The following SSX2IP variants were observed in gnomAD, a reference collection of about 807,000 sequenced individuals.
SSX2IP encodes afadin- and alpha-actinin-binding protein.
In SSX2IP, 55 loss-of-function variants were observed where a neutral mutation model predicts 84.9. The ratio of observed to expected loss-of-function variants is 0.65; its 90% CI spans 0.52 to 0.81. SSX2IP has a LOEUF of 0.81. SSX2IP is among the 30% of genes least tolerant of loss of function. The probability of loss-of-function intolerance (pLI) is 0.00; values close to 1 mark genes in which losing one functional copy is unlikely to be tolerated. For synonymous variants in SSX2IP, 239 were observed against 234.7 expected (o/e 1.02, Z -0.17); for missense variants, 664 against 705.2 (o/e 0.94, Z 0.66).
chr1:84,673,861 C>T (rs1428602569), intron 1 of SSX2IP, among the ~76,000 whole-genome samples: 6 of 152,164 alleles, frequency 3.9e-5, no homozygotes, highest in Admixed American at 3.9e-4. Flanking sequence ...CACACACACA[C>T]AGACACAGGA....
chr1:84,676,019 G>C (rs1409595169), intron 1 of SSX2IP, among the ~76,000 whole-genome samples: 1 of 152,194 alleles, frequency 6.6e-6, no homozygotes, highest in Non-Finnish European at 1.5e-5. Flanking sequence ...CATGTCGTCA[G>C]GTCCTCCTGA....
intron 8 of SSX2IP, among the ~76,000 whole-genome samples, chr1:84,661,968 G>A (rs1652048915): frequency 1.3e-5 from 2 of 152,128 alleles, no homozygotes; most frequent in Non-Finnish European, 2.9e-5. Flanking sequence ...CTTCTTAACA[G>A]TGCTTGACAT....
intron 1 of SSX2IP, among the ~76,000 whole-genome samples, chr1:84,676,496 C>T (rs1230085835): frequency 6.6e-6 from 1 of 152,150 alleles, no homozygotes; most frequent in Non-Finnish European, 1.5e-5. Context: ...CAATGCCATA[C>T]ACTTCAGGTA....
In SSX2IP at chr1:84,655,855, C is replaced by A. The variant is rs774610707; in HGVS notation, c.1366G>T (p.Ala456Ser). ...ACCTCCAATCCCAGGCGAATAGCGG[C>A]TTCTGTAAAGCTTCGTCTCTCCCTC... ...FERERRSFTE[A>S]AIRLGLERKA... Residue 456 changes from alanine to serine, a missense_variant, in exon 11 of 14, where the codon GCC becomes TCC. Transcript: ENST00000342203. 1.2e-6 allele frequency: 2 copies of A among 1,613,726 alleles called. No individual in the cohort carries two copies. Among genetic ancestry groups the A allele is most frequent in the Non-Finnish European group, 8.5e-7 (1 of 1,179,830 alleles).
At chr1:84,654,384 G>A (rs11164032) in intron 11 of SSX2IP, among the ~76,000 whole-genome samples, 80,223 of 151,652 alleles carry the variant, frequency 0.53, 23,018 homozygotes, top group East Asian at 0.72. Flanking sequence ...AAGTTTTGAA[G>A]GAAAAAAAAC....
rs532463880 is a variant in SSX2IP at position 84,662,117 on chromosome 1, C to T, written c.927+81G>A. On this transcript the variant is annotated intron_variant, in intron 8 of 13. Coordinates refer to ENST00000342203, the MANE Select transcript of SSX2IP (RefSeq NM_001166293.2). ...CCTATTCAAAATACCAATAGTGTCC[C>T]CATTGAGAATGCCTACCACATATTT... is the stretch of plus-strand genomic sequence containing the variant. 5.7e-6 allele frequency: 5 copies of T among 875,066 alleles called. No homozygotes were observed. The South Asian group carries it at 9.0e-5, about 16-fold the overall frequency. The allele number at this position is 875,066 out of a possible 1,614,324, so 54.2% of individuals were successfully genotyped here. A position where few individuals can be genotyped will look rare whatever the true frequency, so the allele number is the denominator to read the frequency against.
At chr1:84,656,516 T>A (rs1387907783) in intron 9 of SSX2IP, 32 bp from the exon 10 acceptor site, 1 of 1,593,450 alleles carries the variant, frequency 6.3e-7, no homozygotes, top group Non-Finnish European at 8.5e-7. Context: ...GACATAGGTC[T>A]TATAGCCACC....
In SSX2IP at chr1:84,651,945, T is replaced by C; in HGVS notation, c.1442A>G (p.Asn481Ser). The C allele has an allele frequency of 6.2e-7, 1 of 1,614,080 alleles. No homozygotes were observed. The highest frequency in any genetic ancestry group is 8.5e-7 in the Non-Finnish European group (1 of 1,179,944). ...GTTCTGGTGGTCAAAGGTAGTCATA[T>C]TTAGAAACTGCTGCTTTAACCAACT... The part of the protein sequence containing the change: ...RASWLKQQFL[N>S]MTTFDHQNSE... Residue 481 changes from asparagine to serine, a missense_variant, in exon 12 of 14, where the codon AAT becomes AGT. Asn to Ser is a conservative substitution (Grantham distance 46). Coordinates refer to ENST00000342203, the MANE Select transcript of SSX2IP (RefSeq NM_001166293.2).
In SSX2IP at chr1:84,670,796, T is replaced by A. The variant is rs140118316; in HGVS notation, c.63A>T (p.Gln21His). Residue 21 changes from glutamine to histidine, a missense_variant, in exon 3 of 14, where the codon CAA (glutamine) becomes CAT (histidine). By Grantham distance (24) the Gln-to-His change is conservative. Coordinates refer to ENST00000342203, the MANE Select transcript of SSX2IP (RefSeq NM_001166293.2). Reference protein sequence around the residue: ...GLSSESKTISQYTSETKMSPS... With the variant: ...GLSSESKTISHYTSETKMSPS... ...GAGACATCTTTGTTTCTGAGGTATATTGAGAGATAGTTTTGCTTTCTGAAA... is the reference window on the plus strand; with the variant it reads ...GAGACATCTTTGTTTCTGAGGTATAATGAGAGATAGTTTTGCTTTCTGAAA... 1.9e-6 allele frequency: 3 copies of A among 1,608,720 alleles called. No homozygotes were observed. Among genetic ancestry groups the A allele is most frequent in the Non-Finnish European group, 2.5e-6 (3 of 1,177,926 alleles).
intron 1 of SSX2IP, among the ~76,000 whole-genome samples, chr1:84,674,860 T>G (rs530173024): frequency 3.3e-5 from 5 of 152,350 alleles, no homozygotes; most frequent in African/African-American, 1.2e-4. Flanking sequence ...AATTACATGC[T>G]AGGAGACTTG....
chr1:84,690,225 G>A (rs1156672545), intron 1 of SSX2IP, 146 bp downstream of exon 1: 1 of 152,210 alleles, frequency 6.6e-6, no homozygotes, highest in East Asian at 1.9e-4. Flanking sequence ...CAACAGCCGC[G>A]CGGAGCCTCC....
chr1:84,662,658 G>T, intron 6 of SSX2IP, 128 bp from the exon 7 acceptor site: 4 of 933,164 alleles, frequency 4.3e-6, no homozygotes, highest in Non-Finnish European at 3.1e-6. Context: ...GGCTTAAACA[G>T]CCTAATTTTC....
chr1:84,672,003 G>A (rs1224739761), intron 1 of SSX2IP, among the ~76,000 whole-genome samples: 1 of 152,126 alleles, frequency 6.6e-6, no homozygotes. Flanking sequence ...TATTTATACA[G>A]CATTTAAACG....
Position 84,662,110 on chromosome 1 carries a change from A to T in SSX2IP, c.927+88T>A, listed in dbSNP as rs564354901. The T allele has an allele frequency of 3.0e-5, 25 of 823,820 alleles. No homozygotes were observed. In the South Asian group the frequency reaches 4.6e-4, roughly 15 times the overall value. The allele number at this position is 823,820 out of a possible 1,614,324, so 51.0% of individuals were successfully genotyped here. On this transcript the variant is annotated intron_variant, in intron 8 of 13. Transcript: ENST00000342203. ...TGAGTGTCCTATTCAAAATACCAATAGTGTCCCCATTGAGAATGCCTACCA... is the reference window on the plus strand; with the variant it reads ...TGAGTGTCCTATTCAAAATACCAATTGTGTCCCCATTGAGAATGCCTACCA...
At chr1:84,661,848 T>C (rs1048377350) in intron 8 of SSX2IP, among the ~76,000 whole-genome samples, 4 of 152,220 alleles carry the variant, frequency 2.6e-5, no homozygotes, top group African/African-American at 7.2e-5. Context: ...TTAGTTTCCT[T>C]ATCTATAAAA....
chr1:84,654,041 A>G (rs969713473), intron 11 of SSX2IP, among the ~76,000 whole-genome samples: 1 of 152,192 alleles, frequency 6.6e-6, no homozygotes, highest in African/African-American at 2.4e-5. Context: ...GATAAAGGTA[A>G]GAGAATATCC....
intron 1 of SSX2IP, among the ~76,000 whole-genome samples, chr1:84,672,073 C>A (rs1178368338): frequency 6.6e-6 from 1 of 152,150 alleles, no homozygotes; most frequent in Non-Finnish European, 1.5e-5. Context: ...ATGGTATGGA[C>A]TAAGTATAAG....
Position 84,669,814 on chromosome 1 carries a change from G to C in SSX2IP, c.293C>G (p.Ala98Gly). 3.1e-6 allele frequency: 5 copies of C among 1,613,364 alleles called. No individual in the cohort carries two copies. The highest frequency in any genetic ancestry group is 4.2e-6 in the Non-Finnish European group (5 of 1,179,456). ...CAGCTCATTCATACAATTTAGTACA[G>C]CTACTATATTTAACTCTCTCTTTGT... ...KETKRELNIV[A>G]VLNCMNELLV... Residue 98 changes from alanine to glycine, a missense_variant, in exon 4 of 14, where the codon GCT becomes GGT. Transcript: ENST00000342203.
rs1234471413 is a variant in SSX2IP, at chr1:84,679,694, A to G, written c.-89-8386T>C. Among the ~76,000 whole-genome samples, 3 of 152,220 alleles carry G rather than the reference A, an allele frequency of 2.0e-5. No homozygotes were observed. The East Asian group carries it at 5.8e-4, about 29-fold the overall frequency. ...TAAGGTTGTGGATATTTAACAGAGTAAGAGGTGGAAAACTAAGTACACTAT... is the reference window on the plus strand; with the variant it reads ...TAAGGTTGTGGATATTTAACAGAGTGAGAGGTGGAAAACTAAGTACACTAT... On this transcript the variant is annotated intron_variant, in intron 1 of 13. Coordinates refer to ENST00000342203, the MANE Select transcript of SSX2IP (RefSeq NM_001166293.2).
Sources: allele counts gnomAD v4.1 joint callset (sites outside exome capture counted in the v4.1 genomes callset), GRCh38; gene constraint gnomAD v4.1.1; transcripts MANE v1.5; gene names NCBI Gene and HGNC (gene_info 2026-07-23, HGNC 2026-07-21).